Variants in CNTN5 observed in about 807,000 individuals in gnomAD.
The protein encoded by CNTN5 is contactin-5.
A neutral mutation model predicts 129.1 loss-of-function variants in CNTN5; 77 were observed. The ratio of observed to expected loss-of-function variants is 0.60; its 90% CI spans 0.50 to 0.72. The LOEUF is 0.72. CNTN5 is among the 30% of genes least tolerant of loss of function. The probability of loss-of-function intolerance (pLI) is 0.00; values close to 1 mark genes in which losing one functional copy is unlikely to be tolerated. For synonymous variants in CNTN5, 509 were observed against 465.6 expected, an observed-to-expected ratio of 1.09 and a Z score of -1.20; for missense variants, 1,478 against 1,328.8, an observed-to-expected ratio of 1.11 and a Z score of -1.75.
intron 2 of CNTN5, among the ~76,000 whole-genome samples, chr11:99,329,036 A>ATGG (rs2136019580): frequency 6.6e-6 from 1 of 152,202 alleles, no homozygotes; most frequent in East Asian, 1.9e-4. Context: ...TCTGCCAGTT[A>ATGG]TGGTGGTGGG....
intron 21 of CNTN5, among the ~76,000 whole-genome samples, chr11:100,338,526 G>A (rs1952084030): frequency 6.6e-6 from 1 of 151,934 alleles, no homozygotes; most frequent in South Asian, 2.1e-4. Context: ...TTAAGTTGGG[G>A]GAAAAAAAAA....
At chr11:99,788,902 CA>C (rs1423123398) in intron 3 of CNTN5, among the ~76,000 whole-genome samples, 4 of 151,832 alleles carry the variant, frequency 2.6e-5, no homozygotes, top group African/African-American at 9.7e-5. Flanking sequence ...ACAGCTCTTT[CA>C]ACAGTCTGTG....
rs753246328 is a variant in CNTN5, at chr11:100,074,282, G to C, written c.1568G>C (p.Arg523Thr). The C allele has an allele frequency of 3.1e-6, 5 of 1,600,286 alleles. No homozygotes were observed. The African/African-American group carries it at 4.0e-5, about 13-fold the overall frequency. Residue 523 changes from arginine to threonine, a missense_variant, in exon 13 of 25, where the codon AGA becomes ACA. Arg to Thr is a moderately conservative substitution (Grantham distance 71). Coordinates refer to ENST00000524871, the MANE Select transcript of CNTN5 (RefSeq NM_014361.4). Reference sequence around the variant, plus strand: ...TGGAAGAAAGGAGACAGAGCAGTTAGAGAAAACAAAAGGTTAGAATCTATT... The same window carrying C: ...TGGAAGAAAGGAGACAGAGCAGTTACAGAAAACAAAAGGTTAGAATCTATT... Reference protein sequence around the residue: ...ISWKKGDRAVRENKRIAILPD... With the variant: ...ISWKKGDRAVTENKRIAILPD...
intron 3 of CNTN5, among the ~76,000 whole-genome samples, chr11:99,752,320 TTTCTC>T (rs1438577956): frequency 6.6e-6 from 1 of 152,184 alleles, no homozygotes; most frequent in African/African-American, 2.4e-5. Flanking sequence ...TTGCTGAACT[TTTCTC>T]TTGCTATCCT....
At chr11:99,435,438 C>T (rs971497413) in intron 2 of CNTN5, among the ~76,000 whole-genome samples, 6 of 152,168 alleles carry the variant, frequency 3.9e-5, no homozygotes, top group African/African-American at 1.4e-4. Flanking sequence ...AGGGGTTCTA[C>T]ACACTAGCAG....
chr11:99,749,814 A>C (rs1944172910), intron 3 of CNTN5, among the ~76,000 whole-genome samples: 1 of 152,190 alleles, frequency 6.6e-6, no homozygotes, highest in African/African-American at 2.4e-5. Context: ...CTGGAAGGTA[A>C]GATTGGTGGC....
chr11:99,797,360 T>A (rs1186698058), intron 3 of CNTN5, among the ~76,000 whole-genome samples: 1 of 152,160 alleles, frequency 6.6e-6, no homozygotes, highest in Non-Finnish European at 1.5e-5. Flanking sequence ...CAAATTTACA[T>A]ACCTGCCAAT....
intron 3 of CNTN5, among the ~76,000 whole-genome samples, chr11:99,769,983 T>C (rs1173807795): frequency 1.3e-5 from 2 of 152,176 alleles, no homozygotes; most frequent in Non-Finnish European, 2.9e-5. Flanking sequence ...TACATTTTTT[T>C]GTTTTATTTT....
intron 18 of CNTN5, among the ~76,000 whole-genome samples, chr11:100,276,140 G>A (rs1026363472): frequency 2.0e-5 from 3 of 152,136 alleles, no homozygotes; most frequent in African/African-American, 7.2e-5. Context: ...TTCCAAAGCA[G>A]TGCAGTGAAC....
intron 2 of CNTN5, among the ~76,000 whole-genome samples, chr11:99,447,708 C>T (rs1316752336): frequency 6.6e-6 from 1 of 152,002 alleles, no homozygotes; most frequent in Non-Finnish European, 1.5e-5. Context: ...GGGCAGATCA[C>T]GAGGTCAGGA....
At chr11:99,211,637 G>T (rs200260211) in intron 1 of CNTN5, among the ~76,000 whole-genome samples, 2 of 116,090 alleles carry the variant, frequency 1.7e-5, no homozygotes, top group Non-Finnish European at 1.8e-5. Context: ...TCTTATTTTA[G>T]GTTCTTATTT....
intron 3 of CNTN5, among the ~76,000 whole-genome samples, chr11:99,600,525 C>A (rs879787387): frequency 6.6e-6 from 1 of 152,100 alleles, no homozygotes; most frequent in African/African-American, 2.4e-5. Context: ...GCTAAGAATA[C>A]GGTCACCCTC....
At chr11:99,205,428 T>A (rs1859430645) in intron 1 of CNTN5, among the ~76,000 whole-genome samples, 1 of 152,126 alleles carries the variant, frequency 6.6e-6, no homozygotes, top group African/African-American at 2.4e-5. Context: ...CAAGATTGTG[T>A]CTGCTGTAGC....
At chr11:99,339,433 T>C (rs1185908554) in intron 2 of CNTN5, among the ~76,000 whole-genome samples, 1 of 152,032 alleles carries the variant, frequency 6.6e-6, no homozygotes, top group Non-Finnish European at 1.5e-5. Flanking sequence ...ATAAAGAATG[T>C]AAGGGTGCCA....
intron 2 of CNTN5, among the ~76,000 whole-genome samples, chr11:99,541,074 A>T (rs1396561568): frequency 6.6e-6 from 1 of 152,138 alleles, no homozygotes; most frequent in Non-Finnish European, 1.5e-5. Context: ...CTTCTGACAG[A>T]TGCTGCCCAA....
At chr11:99,467,261 C>A (rs373885183) in intron 2 of CNTN5, among the ~76,000 whole-genome samples, 5 of 151,932 alleles carry the variant, frequency 3.3e-5, no homozygotes, top group African/African-American at 9.7e-5. Context: ...TTCTTGGGAA[C>A]TTTTACCTGT....
At chr11:100,130,429 C>G (rs975068150) in intron 13 of CNTN5, among the ~76,000 whole-genome samples, 1 of 151,956 alleles carries the variant, frequency 6.6e-6, no homozygotes, top group Non-Finnish European at 1.5e-5. Flanking sequence ...ACTGGTAGTA[C>G]AAAGAATATG....
intron 1 of CNTN5, among the ~76,000 whole-genome samples, chr11:99,232,902 T>C (rs932206546): frequency 2.6e-5 from 4 of 152,226 alleles, no homozygotes; most frequent in African/African-American, 9.6e-5. Context: ...TTTTTGTTTC[T>C]ATGATAAGGG....
chr11:99,558,331 G>A (rs761578038), intron 3 of CNTN5: 8 of 370,452 alleles, frequency 2.2e-5, no homozygotes, highest in South Asian at 1.6e-4. Context: ...ATGAAATAAA[G>A]GACACCCAGT....
Sources: allele counts gnomAD v4.1 joint callset (sites outside exome capture counted in the v4.1 genomes callset), GRCh38; gene constraint gnomAD v4.1.1; transcripts MANE v1.5; gene names NCBI Gene and HGNC (gene_info 2026-07-23, HGNC 2026-07-21).